Variants in GLI2 observed in about 807,000 individuals in gnomAD.
GLI2 encodes the protein GLI family zinc finger 2.
In GLI2, 22 loss-of-function variants were observed where a neutral mutation model predicts 78.9. That is an observed-to-expected ratio of 0.28 (90% CI 0.20 to 0.40). The LOEUF (loss-of-function observed/expected upper bound fraction) is 0.40. GLI2 is among the 10% of genes least tolerant of loss of function. The pLI is 1.00. For missense variants in GLI2, 2,097 were observed against 2,213.2 expected (o/e 0.95, Z 1.05); for synonymous variants, 974 against 963.7 (o/e 1.01, Z -0.20).
At chr2:120,885,486 C>T (rs971720464) in intron 2 of GLI2, among the ~76,000 whole-genome samples, 5 of 152,222 alleles carry the variant, frequency 3.3e-5, no homozygotes, top group Non-Finnish European at 7.3e-5. Context: ...CCTTTCCACC[C>T]GTCCCTTCTG....
intron 2 of GLI2, among the ~76,000 whole-genome samples, chr2:120,921,702 C>G (rs1382702710): frequency 6.6e-6 from 1 of 152,174 alleles, no homozygotes; most frequent in African/African-American, 2.4e-5. Context: ...CCTCCTTGTA[C>G]AGCATTTCCA....
intron 2 of GLI2, among the ~76,000 whole-genome samples, chr2:120,850,783 G>T (rs1309506225): frequency 1.3e-5 from 2 of 152,208 alleles, no homozygotes; most frequent in South Asian, 2.1e-4. Context: ...AGAGGCAGGG[G>T]TTGGCCTTAT....
At chr2:120,963,703 C>A (rs1681702186) in intron 5 of GLI2, among the ~76,000 whole-genome samples, 1 of 152,242 alleles carries the variant, frequency 6.6e-6, no homozygotes, top group Admixed American at 6.5e-5. Flanking sequence ...CCCTGAGACA[C>A]CTCTCCTCCT....
At chr2:120,893,051 C>T (rs1677757013) in intron 2 of GLI2, among the ~76,000 whole-genome samples, 1 of 152,242 alleles carries the variant, frequency 6.6e-6, no homozygotes, top group South Asian at 2.1e-4. Flanking sequence ...CCCTGCCTGG[C>T]AGAGCTCCTG....
rs759318749 is a variant in GLI2, at chr2:120,990,303, C to T, written c.4338C>T (p.Leu1446=). The T allele has an allele frequency of 1.3e-5, 21 of 1,613,688 alleles. No individual in the cohort carries two copies. Among genetic ancestry groups the T allele is most frequent in the African/African-American group, 1.1e-4 (8 of 75,048 alleles). ...AACAGGATGGAGGCCTGGAGAACCT[C>T]GGGAGCTGCCAGGTCATGCGGTCCC... The part of the protein sequence containing the change: ...MYEQDGGLEN[L]GSCQVMRSQP... The change falls in exon 14 of 14, where the codon CTC becomes CTT. Residue 1446 remains leucine (L), a synonymous_variant. Coordinates refer to ENST00000361492, the MANE Select transcript of GLI2 (RefSeq NM_001374353.1).
chr2:120,922,308 G>A (rs1679417954), intron 2 of GLI2, among the ~76,000 whole-genome samples: 1 of 152,214 alleles, frequency 6.6e-6, no homozygotes, highest in Non-Finnish European at 1.5e-5. Flanking sequence ...GGTCTGGGCA[G>A]GTCCCTGGTC....
At chr2:120,775,346 C>T (rs1026778827) in intron 1 of GLI2, among the ~76,000 whole-genome samples, 4 of 152,218 alleles carry the variant, frequency 2.6e-5, no homozygotes, top group African/African-American at 7.2e-5. Context: ...AATTATGCTT[C>T]GTGACGCGTG....
chr2:120,973,000 T>C (rs2105029275), intron 8 of GLI2, among the ~76,000 whole-genome samples: 1 of 152,280 alleles, frequency 6.6e-6, no homozygotes, highest in Middle Eastern at 3.4e-3. Flanking sequence ...CCAGTCTTCA[T>C]TCATTACCAC....
chr2:120,825,596 G>A (rs1471684541), intron 2 of GLI2, among the ~76,000 whole-genome samples: 1 of 151,754 alleles, frequency 6.6e-6, no homozygotes, highest in Non-Finnish European at 1.5e-5. Flanking sequence ...ACCTGGCTGT[G>A]AGTGTGTGCT....
intron 2 of GLI2, among the ~76,000 whole-genome samples, chr2:120,876,464 C>G (rs1688752436): frequency 6.6e-6 from 1 of 152,178 alleles, no homozygotes; most frequent in South Asian, 2.1e-4. Context: ...CACACTTCCC[C>G]CGGAAGCTCA....
intron 8 of GLI2, 93 bp downstream of exon 8, chr2:120,972,156 G>A (rs1470534860): frequency 1.4e-6 from 2 of 1,430,484 alleles, no homozygotes; most frequent in Admixed American, 1.7e-5. Flanking sequence ...ACGGATGGCT[G>A]GCTGGCTGCC....
intron 12 of GLI2, among the ~76,000 whole-genome samples, chr2:120,985,684 G>A (rs969940699): frequency 1.3e-5 from 2 of 152,190 alleles, no homozygotes; most frequent in Non-Finnish European, 2.9e-5. Flanking sequence ...TTCTGTGGAT[G>A]TCGTCCGAGT....
At chr2:120,884,639 G>A (rs973805714) in intron 2 of GLI2, among the ~76,000 whole-genome samples, 1 of 152,160 alleles carries the variant, frequency 6.6e-6, no homozygotes, top group African/African-American at 2.4e-5. Flanking sequence ...GAGATATACA[G>A]CTTGGGCCTG....
At chr2:120,961,714 C>T (rs1681572350) in intron 5 of GLI2, among the ~76,000 whole-genome samples, 1 of 152,166 alleles carries the variant, frequency 6.6e-6, no homozygotes. Context: ...AGAGCATCTC[C>T]TCGGCAAGCC....
chr2:120,883,732 C>T lies in GLI2; in HGVS notation c.149-43629C>T, dbSNP rs116475263. Among the ~76,000 whole-genome samples, 731 of 152,258 alleles carry T rather than the reference C, an allele frequency of 4.8e-3. 7 individuals carry two copies. Among genetic ancestry groups the T allele is most frequent in the African/African-American group, 0.017 (689 of 41,552 alleles). On this transcript the variant is annotated intron_variant, in intron 2 of 13. Transcript: ENST00000361492. ...TCAGATCTGAACCCACTTCTGTCAT[C>T]CTCACTATTCTGTGTGGTTGTTTGG...
At chr2:120,762,680 G>A (rs1683249807) in intron 1 of GLI2, among the ~76,000 whole-genome samples, 1 of 152,134 alleles carries the variant, frequency 6.6e-6, no homozygotes, top group Admixed American at 6.5e-5. Flanking sequence ...TGCAGCTAGT[G>A]TAGGCTCAGC....
At chr2:120,967,071 T>A (rs1681893803) in intron 5 of GLI2, among the ~76,000 whole-genome samples, 1 of 152,154 alleles carries the variant, frequency 6.6e-6, no homozygotes, top group Non-Finnish European at 1.5e-5. Context: ...AACGCAGTTA[T>A]CATAAGCCTG....
At chr2:120,862,377 G>A (rs1023216611) in intron 2 of GLI2, among the ~76,000 whole-genome samples, 1 of 152,208 alleles carries the variant, frequency 6.6e-6, no homozygotes, top group African/African-American at 2.4e-5. Flanking sequence ...GGCATTGCAC[G>A]AGGTACTGGG....
At chr2:120,789,262 G>A (rs1331750522) in intron 1 of GLI2, among the ~76,000 whole-genome samples, 3 of 152,048 alleles carry the variant, frequency 2.0e-5, no homozygotes, top group Admixed American at 6.5e-5. Context: ...GACCTCAGGT[G>A]ATCCGCCCTC....
Sources: allele counts gnomAD v4.1 joint callset (sites outside exome capture counted in the v4.1 genomes callset), GRCh38; gene constraint gnomAD v4.1.1; transcripts MANE v1.5; gene names NCBI Gene and HGNC (gene_info 2026-07-23, HGNC 2026-07-21).